ARHGAP26: variants seen among roughly 807,000 people sequenced by gnomAD.
ARHGAP26 encodes the protein rho GTPase-activating protein 26.
A neutral mutation model predicts 104.8 loss-of-function variants in ARHGAP26; 38 were observed. That is an observed-to-expected ratio of 0.36 (90% CI 0.28 to 0.48). ARHGAP26 has a LOEUF of 0.48. Among genes scored for constraint, ARHGAP26 ranks in the 20% least tolerant of loss-of-function variants. The pLI is 0.99. For synonymous variants in ARHGAP26, 341 were observed against 340.0 expected, an observed-to-expected ratio of 1.00 and a Z score of -0.03; for missense variants, 704 against 947.9, an observed-to-expected ratio of 0.74 and a Z score of 3.38.
intron 1 of ARHGAP26, among the ~76,000 whole-genome samples, chr5:142,841,414 T>C (rs763643363): frequency 2.6e-5 from 4 of 152,172 alleles, no homozygotes; most frequent in South Asian, 2.1e-4. Context: ...ATCATTGCCG[T>C]TACGTTTACG....
At chr5:143,010,100 TAGA>T (rs1778537584) in intron 11 of ARHGAP26, among the ~76,000 whole-genome samples, 1 of 152,224 alleles carries the variant, frequency 6.6e-6, no homozygotes, top group African/African-American at 2.4e-5. Flanking sequence ...GTGAGATCTG[TAGA>T]AGAAGGATAG....
chr5:142,797,852 C>G (rs1248727202), intron 1 of ARHGAP26, among the ~76,000 whole-genome samples: 1 of 152,170 alleles, frequency 6.6e-6, no homozygotes, highest in East Asian at 1.9e-4. Context: ...TCCAGATTGC[C>G]TGGGGACCTT....
chr5:143,204,906 G>A, intron 20 of ARHGAP26, among the ~76,000 whole-genome samples: 1 of 151,982 alleles, frequency 6.6e-6, no homozygotes, highest in Non-Finnish European at 1.5e-5. Flanking sequence ...CTGTTCTCTT[G>A]AACCTCCAAA....
chr5:143,043,836 T>A (rs1484327692), intron 14 of ARHGAP26, among the ~76,000 whole-genome samples: 1 of 152,240 alleles, frequency 6.6e-6, no homozygotes, highest in Non-Finnish European at 1.5e-5. Flanking sequence ...ATGCTTAATC[T>A]GTGCTGGGTC....
chr5:143,190,405 C>T (rs939645386), intron 20 of ARHGAP26, among the ~76,000 whole-genome samples: 2 of 152,072 alleles, frequency 1.3e-5, no homozygotes, highest in Admixed American at 1.3e-4. Flanking sequence ...GTAGCAGATG[C>T]AGCATGTCAG....
rs953896351 is a variant in ARHGAP26 at position 143,224,386 on chromosome 5, T to A, written c.*1940T>A. ...ATCAGTGGTGTTCAGTCTTTATGTG[T>A]TTTTAAGCATCCCTTGGGCTTTGGA... is the stretch of plus-strand genomic sequence containing the variant. On this transcript the variant is annotated 3_prime_UTR_variant, in exon 23 of 23. Coordinates refer to ENST00000645722, the MANE Select transcript of ARHGAP26 (RefSeq NM_001135608.3). 3.9e-5 allele frequency: 9 copies of A among 229,550 alleles called. No homozygotes were observed. Among genetic ancestry groups the A allele is most frequent in the Non-Finnish European group, 7.8e-5 (9 of 115,718 alleles). The allele number at this position is 229,550 out of a possible 1,614,324, so 14.2% of individuals were successfully genotyped here.
At chr5:143,211,917 A>G (rs1809528233) in intron 21 of ARHGAP26, among the ~76,000 whole-genome samples, 1 of 151,972 alleles carries the variant, frequency 6.6e-6, no homozygotes. Flanking sequence ...ACCTAATATC[A>G]ATGGAATGTT....
chr5:143,164,998 C>T (rs938695129), intron 20 of ARHGAP26: 2 of 152,200 alleles, frequency 1.3e-5, no homozygotes, highest in African/African-American at 4.8e-5. Flanking sequence ...CTATGCTTTG[C>T]TTTACTTCGG....
chr5:143,173,712 G>C (rs1373654049), intron 20 of ARHGAP26, among the ~76,000 whole-genome samples: 1 of 152,082 alleles, frequency 6.6e-6, no homozygotes, highest in Non-Finnish European at 1.5e-5. Flanking sequence ...CTCACCATTT[G>C]GGAGCTTTTT....
chr5:143,184,990 A>G (rs4912900), intron 20 of ARHGAP26, among the ~76,000 whole-genome samples: 32,979 of 152,090 alleles, frequency 0.22, 4,269 homozygotes, highest in African/African-American at 0.37. Context: ...TCTATGCAAC[A>G]GTGAGTGGAT....
intron 13 of ARHGAP26, among the ~76,000 whole-genome samples, chr5:143,041,215 T>G (rs922486385): frequency 1.3e-5 from 2 of 152,240 alleles, no homozygotes; most frequent in African/African-American, 4.8e-5. Flanking sequence ...ATTTTTTGTT[T>G]AGATGTTTAA....
intron 17 of ARHGAP26, among the ~76,000 whole-genome samples, chr5:143,073,034 A>G (rs1788496429): frequency 6.6e-6 from 1 of 152,240 alleles, no homozygotes; most frequent in Non-Finnish European, 1.5e-5. Flanking sequence ...GTCCATTAAA[A>G]AAATAAAATT....
At chr5:142,773,989 G>A (rs531420830) in intron 1 of ARHGAP26, among the ~76,000 whole-genome samples, 11 of 152,274 alleles carry the variant, frequency 7.2e-5, no homozygotes, top group South Asian at 2.1e-4. Flanking sequence ...ATACATAAGC[G>A]CTTCTTGAAT....
chr5:143,188,701 AG>A (rs1409700896), intron 20 of ARHGAP26, among the ~76,000 whole-genome samples: 2 of 152,242 alleles, frequency 1.3e-5, no homozygotes, highest in Admixed American at 1.3e-4. Flanking sequence ...TGATTTCTGA[AG>A]GGAACTGAAT....
rs1031363078 is a variant in ARHGAP26, at chr5:143,067,175, G to A, written c.1538+9428G>A. Among the ~76,000 whole-genome samples, 5 of 152,200 alleles carry A rather than the reference G, an allele frequency of 3.3e-5. No homozygotes were observed. In the East Asian group the frequency reaches 5.8e-4, roughly 18 times the overall value. Reference sequence around the variant, plus strand: ...ATCATGAAGACTCATCTTTGTCTGCGTGGTCTGGAAATTTCCACTCATCTT... The same window carrying A: ...ATCATGAAGACTCATCTTTGTCTGCATGGTCTGGAAATTTCCACTCATCTT... On this transcript the variant is annotated intron_variant, in intron 17 of 22. Coordinates refer to ENST00000645722, the MANE Select transcript of ARHGAP26 (RefSeq NM_001135608.3).
At chr5:143,212,287 G>A (rs1312001883) in intron 21 of ARHGAP26, among the ~76,000 whole-genome samples, 1 of 149,198 alleles carries the variant, frequency 6.7e-6, no homozygotes, top group Non-Finnish European at 1.5e-5. Flanking sequence ...TGTCAGTATA[G>A]TCTTTTATCT....
intron 1 of ARHGAP26, among the ~76,000 whole-genome samples, chr5:142,797,213 G>C (rs990520030): frequency 1.3e-5 from 2 of 152,314 alleles, no homozygotes; most frequent in Non-Finnish European, 1.5e-5. Flanking sequence ...TCCTTTGGGA[G>C]ATAAATGCTA....
chr5:143,210,184 T>G (rs1249592272), intron 21 of ARHGAP26, among the ~76,000 whole-genome samples: 1 of 151,978 alleles, frequency 6.6e-6, no homozygotes, highest in Non-Finnish European at 1.5e-5. Flanking sequence ...CAGTTCCACG[T>G]GGCTGGGGAG....
Position 142,871,435 on chromosome 5 carries a change from G to A in ARHGAP26, c.155-1965G>A, listed in dbSNP as rs554627345. ...TTGTTGAGATGATTGAGTTTCTCTT[G>A]CTTATGGGGGAGGCACAGGATTGTC... On this transcript the variant is annotated intron_variant, in intron 1 of 22. Transcript: ENST00000645722. This position sits in a 1 kb window ranked among gnomAD's most constrained non-coding sequence, Gnocchi z 4.1. Among the ~76,000 whole-genome samples, 1 of 152,294 alleles carries A rather than the reference G, an allele frequency of 6.6e-6. No individual in the cohort carries two copies. The highest frequency in any genetic ancestry group is 2.4e-5 in the African/African-American group (1 of 41,550).
Sources: allele counts gnomAD v4.1 joint callset (sites outside exome capture counted in the v4.1 genomes callset), GRCh38; gene constraint gnomAD v4.1.1; non-coding constraint Gnocchi (gnomAD v3.1); transcripts MANE v1.5; gene names NCBI Gene and HGNC (gene_info 2026-07-23, HGNC 2026-07-21).